Variants in PARVB observed in about 807,000 individuals in gnomAD.
PARVB encodes the protein parvin beta.
A neutral mutation model predicts 47.0 loss-of-function variants in PARVB; 46 were observed. The observed-to-expected ratio is 0.98, with a 90% CI of 0.77 to 1.25. PARVB has a LOEUF of 1.25. PARVB is among the 50% of genes most tolerant of loss of function. The pLI is 0.00. For missense variants in PARVB, 473 were observed against 471.6 expected (o/e 1.00, Z -0.03); for synonymous variants, 196 against 196.3 (o/e 1.00, Z 0.01).
intron 1 of PARVB, among the ~76,000 whole-genome samples, chr22:44,082,711 C>A (rs577278052): frequency 6.6e-6 from 1 of 152,110 alleles, no homozygotes; most frequent in African/African-American, 2.4e-5. Flanking sequence ...TTACCGTGCA[C>A]CTGGAAGTCT....
chr22:44,057,395 C>T (rs1477192903), intron 1 of PARVB, among the ~76,000 whole-genome samples: 1 of 152,102 alleles, frequency 6.6e-6, no homozygotes, highest in East Asian at 1.9e-4. Flanking sequence ...AAAAGAATCT[C>T]CGTGCTCGCA....
At chr22:44,080,651 A>T (rs1299780447) in intron 1 of PARVB, among the ~76,000 whole-genome samples, 1 of 152,228 alleles carries the variant, frequency 6.6e-6, no homozygotes. Context: ...CTTGATGTGG[A>T]CATCTTTGCA....
chr22:44,127,507 G>A (rs534223666), intron 4 of PARVB, among the ~76,000 whole-genome samples: 1 of 152,270 alleles, frequency 6.6e-6, no homozygotes, highest in South Asian at 2.1e-4. Context: ...CCAAATAGGA[G>A]ATTTTAGCTG....
intron 1 of PARVB, among the ~76,000 whole-genome samples, chr22:44,047,829 G>T (rs917881191): frequency 6.6e-6 from 1 of 152,170 alleles, no homozygotes; most frequent in African/African-American, 2.4e-5. Flanking sequence ...GGTATTTGAC[G>T]TTGGTGTAAT....
intron 7 of PARVB, 185 bp from the exon 8 acceptor site, chr22:44,139,939 C>T (rs1003219153): frequency 6.6e-5 from 26 of 392,802 alleles, no homozygotes; most frequent in East Asian, 1.6e-4. Context: ...AAGCACCTCT[C>T]GTTTATAATT....
At position 44,101,411 on chromosome 22, in the gene PARVB, AAAAAAT is replaced by A. The variant is rs1239569362; in HGVS notation, c.273+1294_273+1299del. ...GGCGACAGCGAGGCTCCGTCTCAAAAAAAAATAAAAAATAAAAAATAAAATATAAAA... is the reference window on the plus strand; with the variant it reads ...GGCGACAGCGAGGCTCCGTCTCAAAAAAAAAATAAAAAATAAAATATAAAA... On this transcript the variant is annotated intron_variant, in intron 3 of 12. Coordinates refer to ENST00000338758, the MANE Select transcript of PARVB (RefSeq NM_013327.5). Among the ~76,000 whole-genome samples the A allele has an allele frequency of 2.8e-5, 4 of 141,754 alleles. 1 individual carries two copies. The highest frequency in any genetic ancestry group is 1.2e-4 in the African/African-American group (4 of 32,384). 93.0% of individuals were successfully genotyped at this position (141,754 alleles called of 152,430 possible).
chr22:44,046,648 A>G (rs1388451789), intron 1 of PARVB, among the ~76,000 whole-genome samples: 2 of 152,258 alleles, frequency 1.3e-5, no homozygotes, highest in East Asian at 1.9e-4. Context: ...CTCCCCACAC[A>G]GTCCCTGGAC....
At chr22:44,025,916 G>T (rs2050720756) in intron 1 of PARVB, among the ~76,000 whole-genome samples, 1 of 152,202 alleles carries the variant, frequency 6.6e-6, no homozygotes, top group African/African-American at 2.4e-5. Context: ...GGGGCGGGGT[G>T]CTTGCTTTCG....
intron 1 of PARVB, among the ~76,000 whole-genome samples, chr22:44,040,185 G>A (rs1204113776): frequency 1.3e-5 from 2 of 152,112 alleles, no homozygotes; most frequent in African/African-American, 4.8e-5. Flanking sequence ...GCATTTCATG[G>A]CATGTACCTT....
intron 10 of PARVB, among the ~76,000 whole-genome samples, chr22:44,156,064 T>G (rs2053925840): frequency 6.6e-6 from 1 of 151,876 alleles, no homozygotes; most frequent in Non-Finnish European, 1.5e-5. Flanking sequence ...GCAGAAGAAT[T>G]GCTTGAACCC....
chr22:44,136,444 A>G lies in PARVB; in HGVS notation c.634-16A>G. On this transcript the variant is annotated splice_polypyrimidine_tract_variant and intron_variant, in intron 6 of 12. Coordinates refer to ENST00000338758, the MANE Select transcript of PARVB (RefSeq NM_013327.5). The stretch of plus-strand genomic sequence containing the variant: ...CTCCACTGCCTGATTTTGTATGTTT[A>G]TTTTGGGGTTTTCAGAAACGGGAAG... 2 of 1,612,850 alleles carry G rather than the reference A, an allele frequency of 1.2e-6. No homozygotes were observed.
chr22:44,147,154 C>T lies in PARVB; in HGVS notation c.713-707C>T, dbSNP rs1041353751. Reference sequence around the variant, plus strand: ...TGGTGGAGTGAAGTCAGGGAGGGTGCATGTAGGAGGATAACGCTGAGTCTG... The same window carrying T: ...TGGTGGAGTGAAGTCAGGGAGGGTGTATGTAGGAGGATAACGCTGAGTCTG... On this transcript the variant is annotated intron_variant, in intron 8 of 12. Transcript: ENST00000338758. The T allele has an allele frequency of 3.6e-5, 6 of 167,684 alleles. No individual in the cohort carries two copies. In the South Asian group the frequency reaches 9.3e-4, roughly 26 times the overall value. 10.4% of individuals were successfully genotyped at this position (167,684 alleles called of 1,614,324 possible).
chr22:44,165,725 A>C (rs1410085357), intron 12 of PARVB, among the ~76,000 whole-genome samples: 2 of 151,816 alleles, frequency 1.3e-5, no homozygotes, highest in East Asian at 1.9e-4. Context: ...TCACTGTTCA[A>C]CTCTGCCCTG....
intron 9 of PARVB, 138 bp from the exon 10 acceptor site, chr22:44,151,345 T>C (rs2053803361): frequency 1.5e-6 from 1 of 663,768 alleles, no homozygotes; most frequent in Non-Finnish European, 2.7e-6. Flanking sequence ...GTTTGAAACA[T>C]GGGCTTTTTA....
rs112304819 is a variant in PARVB at position 44,070,108 on chromosome 22, C to T, written c.113-23820C>T. On this transcript the variant is annotated intron_variant, in intron 1 of 12. Transcript: ENST00000338758. ...CTGATGTGTCCTGGGCTTTCTGCATCCCAGGGACTATCCCAGCTCCTTAAC... is the reference window on the plus strand; with the variant it reads ...CTGATGTGTCCTGGGCTTTCTGCATTCCAGGGACTATCCCAGCTCCTTAAC... 3.8e-3 allele frequency among the ~76,000 whole-genome samples: 580 copies of T among 152,324 alleles called. 5 individuals carry two copies. The highest frequency in any genetic ancestry group is 0.013 in the African/African-American group (533 of 41,572).
At chr22:44,165,472 C>T (rs1325651770) in intron 12 of PARVB, among the ~76,000 whole-genome samples, 1 of 152,202 alleles carries the variant, frequency 6.6e-6, no homozygotes, top group African/African-American at 2.4e-5. Flanking sequence ...CTCTGGGACC[C>T]CTCGTTGCTG....
At chr22:44,162,777 G>A (rs1430623987) in intron 11 of PARVB, 1 of 152,248 alleles carries the variant, frequency 6.6e-6, no homozygotes, top group East Asian at 1.9e-4. Context: ...ATCCCTCTGA[G>A]TGGTCTTTAA....
At chr22:44,078,290 C>A (rs1234328758) in intron 1 of PARVB, among the ~76,000 whole-genome samples, 2 of 152,186 alleles carry the variant, frequency 1.3e-5, no homozygotes, top group African/African-American at 2.4e-5. Context: ...GAGATGTGAA[C>A]TTTCCCAAGG....
chr22:44,087,521 A>G (rs7291436), intron 1 of PARVB, among the ~76,000 whole-genome samples: 145 of 152,244 alleles, frequency 9.5e-4, no homozygotes, highest in African/African-American at 3.4e-3. Context: ...TGGAGCAAGA[A>G]GCTGATCAGC....
Sources: gnomAD v4.1 joint callset for allele counts (sites outside exome capture counted in the v4.1 genomes callset) on GRCh38, gnomAD v4.1.1 for gene constraint, MANE v1.5 for transcripts, NCBI Gene and HGNC (gene_info 2026-07-23, HGNC 2026-07-21) for gene names.